The following NOL4L variants were observed in gnomAD, a reference collection of about 807,000 sequenced individuals.
NOL4L encodes the protein nucleolar protein 4-like.
Under a neutral mutation model 64.5 loss-of-function variants are expected in NOL4L, and 7 were observed. The observed-to-expected ratio is 0.11, with a 90% CI of 0.06 to 0.20. The LOEUF is 0.20. NOL4L is among the 10% of genes least tolerant of loss of function. The pLI is 1.00. For synonymous variants in NOL4L, 413 were observed against 401.0 expected (o/e 1.03, Z -0.36); for missense variants, 680 against 967.1 (o/e 0.70, Z 3.94).
At chr20:32,474,494 G>T in intron 5 of NOL4L, 107 bp downstream of exon 5, 2 of 1,371,866 alleles carry the variant, frequency 1.5e-6, no homozygotes, top group Non-Finnish European at 9.6e-7. Flanking sequence ...AAAGGCCTTG[G>T]CCCAGATTCC....
chr20:32,518,636 G>T (rs1442755198), intron 3 of NOL4L, among the ~76,000 whole-genome samples: 1 of 152,240 alleles, frequency 6.6e-6, no homozygotes, highest in African/African-American at 2.4e-5. Flanking sequence ...TGTTCCTCCA[G>T]GCAAGCAATT....
At chr20:32,447,919 T>G in intron 10 of NOL4L, 103 bp from the exon 11 acceptor site, 1 of 1,370,386 alleles carries the variant, frequency 7.3e-7, no homozygotes, top group Non-Finnish European at 9.7e-7. Context: ...TAGTGCCCAC[T>G]GTGAGTTGGG....
At chr20:32,461,388 G>T (rs1216096922) in intron 5 of NOL4L, among the ~76,000 whole-genome samples, 1 of 147,632 alleles carries the variant, frequency 6.8e-6, no homozygotes, top group African/African-American at 2.5e-5. Context: ...CTCCCACCCT[G>T]CTCTGGCACA....
chr20:32,510,704 G>C (rs2017359339), intron 4 of NOL4L: 1 of 154,128 alleles, frequency 6.5e-6, no homozygotes, highest in South Asian at 2.0e-4. Flanking sequence ...GGCAGTGGTT[G>C]GGGGGTGGAG....
rs1979956476 is a variant in NOL4L, at chr20:32,574,403, C to T, written c.321+10167G>A. Reference sequence around the variant, plus strand: ...ACCCAGTGGTTGCTTAGCTGGGGGCCCAGCAGAGCCTGTGCCTTGGTTTGC... The same window carrying T: ...ACCCAGTGGTTGCTTAGCTGGGGGCTCAGCAGAGCCTGTGCCTTGGTTTGC... On this transcript the variant is annotated intron_variant, in intron 1 of 10. Transcript: ENST00000621426. 2.0e-5 allele frequency among the ~76,000 whole-genome samples: 3 copies of T among 152,290 alleles called. No homozygotes were observed. The South Asian group carries it at 6.2e-4, about 32-fold the overall frequency.
At chr20:32,495,547 C>T (rs996750697) in intron 4 of NOL4L, among the ~76,000 whole-genome samples, 6 of 152,206 alleles carry the variant, frequency 3.9e-5, no homozygotes, top group African/African-American at 1.4e-4. Context: ...CTGACCCACT[C>T]AACTTCCTCC....
intron 1 of NOL4L, among the ~76,000 whole-genome samples, chr20:32,583,422 G>C (rs1369601000): frequency 6.7e-6 from 1 of 149,792 alleles, no homozygotes; most frequent in Non-Finnish European, 1.5e-5. Flanking sequence ...GGCTGAGCGC[G>C]GGGCGGGCGG....
chr20:32,485,801 T>TC (rs780574443), intron 4 of NOL4L: 7 of 469,864 alleles, frequency 1.5e-5, no homozygotes, highest in South Asian at 1.1e-4. Flanking sequence ...GATTTCCCTT[T>TC]CCCCACCACA....
chr20:32,471,551 G>A (rs1012621650), intron 5 of NOL4L, among the ~76,000 whole-genome samples: 2 of 152,208 alleles, frequency 1.3e-5, no homozygotes, highest in Non-Finnish European at 2.9e-5. Context: ...CACAGCTGTA[G>A]ATCTGTGCTA....
At chr20:32,484,047 G>A (rs563563852) in intron 4 of NOL4L, among the ~76,000 whole-genome samples, 4 of 152,122 alleles carry the variant, frequency 2.6e-5, no homozygotes, top group African/African-American at 7.2e-5. Context: ...TGGGGGCTGG[G>A]GGGAGAGGGC....
chr20:32,567,131 GTCC>G (rs1979477155), intron 1 of NOL4L, among the ~76,000 whole-genome samples: 1 of 152,098 alleles, frequency 6.6e-6, no homozygotes, highest in South Asian at 2.1e-4. Flanking sequence ...AGGAGCCTGG[GTCC>G]TTGCCTCCTT....
Position 32,472,702 on chromosome 20 carries a change from G to C in NOL4L, c.841+1899C>G, listed in dbSNP as rs148969901. 5.4e-3 allele frequency among the ~76,000 whole-genome samples: 822 copies of C among 151,902 alleles called. 11 individuals are homozygous for C. Among genetic ancestry groups the C allele is most frequent in the African/African-American group, 0.018 (739 of 41,424 alleles). On this transcript the variant is annotated intron_variant, in intron 5 of 10. Transcript: ENST00000621426. ...AGAGGCAGCAGAGGCCAGGCCAGCT[G>C]CCTGGGCCTTCCCAAGGCCTGTGCC...
At chr20:32,583,916 G>T (rs1414857145) in intron 1 of NOL4L, among the ~76,000 whole-genome samples, 1 of 149,532 alleles carries the variant, frequency 6.7e-6, no homozygotes, top group Non-Finnish European at 1.5e-5. Flanking sequence ...GGGGCCCGGG[G>T]GGCTGAGGGG....
chr20:32,484,761 T>A (rs948321751), intron 4 of NOL4L, among the ~76,000 whole-genome samples: 1 of 151,910 alleles, frequency 6.6e-6, no homozygotes, highest in South Asian at 2.1e-4. Flanking sequence ...GCCACGCGGA[T>A]TCCAGATGCG....
At chr20:32,562,353 C>T (rs1027892636) in intron 1 of NOL4L, among the ~76,000 whole-genome samples, 3 of 152,188 alleles carry the variant, frequency 2.0e-5, no homozygotes, top group Admixed American at 6.5e-5. Flanking sequence ...ACCTCAACGC[C>T]GCCTGCCCCA....
intron 4 of NOL4L, among the ~76,000 whole-genome samples, chr20:32,488,594 A>T (rs560338582): frequency 6.6e-6 from 1 of 152,320 alleles, no homozygotes; most frequent in South Asian, 2.1e-4. Context: ...TACTATTAGC[A>T]ATCTCTTTTA....
chr20:32,530,236 T>C (rs2018293511), intron 1 of NOL4L, among the ~76,000 whole-genome samples: 1 of 152,252 alleles, frequency 6.6e-6, no homozygotes, highest in Admixed American at 6.5e-5. Flanking sequence ...AAAATGAACC[T>C]TAAGAATGAA....
intron 1 of NOL4L, 115 bp downstream of exon 1, chr20:32,584,455 C>T (rs1252794195): frequency 3.2e-5 from 28 of 881,656 alleles, no homozygotes; most frequent in Middle Eastern, 8.1e-4. Flanking sequence ...GCCCGACACA[C>T]GGACAACCTC....
In NOL4L at chr20:32,447,538, A is replaced by C; in HGVS notation, c.*58T>G. The C allele has an allele frequency of 3.9e-6, 6 of 1,520,028 alleles. No homozygotes were observed. Among genetic ancestry groups the C allele is most frequent in the Non-Finnish European group, 5.2e-6 (6 of 1,143,654 alleles). The allele number at this position is 1,520,028 out of a possible 1,614,324, so 94.2% of individuals were successfully genotyped here. A position where few individuals can be genotyped will look rare whatever the true frequency, so the allele number is the denominator to read the frequency against. On this transcript the variant is annotated 3_prime_UTR_variant, in exon 11 of 11. Transcript: ENST00000621426. Reference sequence around the variant, plus strand: ...GTACCAACTGGTGAGGCAGGAAGCCAGGTCCAGGCTGGGACAGCCTCCTTC... The same window carrying C: ...GTACCAACTGGTGAGGCAGGAAGCCCGGTCCAGGCTGGGACAGCCTCCTTC...
Sources: allele counts gnomAD v4.1 joint callset (sites outside exome capture counted in the v4.1 genomes callset), GRCh38; gene constraint gnomAD v4.1.1; transcripts MANE v1.5; gene names NCBI Gene and HGNC (gene_info 2026-07-23, HGNC 2026-07-21).